The following CCDC13 variants were observed in gnomAD, a reference collection of about 807,000 sequenced individuals.
CCDC13 encodes the protein coiled-coil domain containing 13, also known as coiled-coil domain-containing protein 13.
In CCDC13, 70 loss-of-function variants were observed where a neutral mutation model predicts 87.3. The ratio of observed to expected loss-of-function variants is 0.80; its 90% CI spans 0.66 to 0.98. The LOEUF is 0.98. CCDC13 is among the 50% of genes least tolerant of loss of function. CCDC13 has a pLI of 0.00. For missense variants in CCDC13, 842 were observed against 892.0 expected (o/e 0.94, Z 0.71); for synonymous variants, 317 against 360.3 (o/e 0.88, Z 1.36).
downstream of CCDC13, among the ~76,000 whole-genome samples, chr3:42,705,603 C>G (rs1419428772): frequency 6.6e-6 from 1 of 152,198 alleles, no homozygotes; most frequent in Admixed American, 6.5e-5. Context: ...GGCACCTGCA[C>G]CCTCCCCTCC....
intron 3 of CCDC13, among the ~76,000 whole-genome samples, chr3:42,754,439 G>C (rs1699660596): frequency 6.6e-6 from 1 of 152,196 alleles, no homozygotes; most frequent in Admixed American, 6.5e-5. Context: ...AATAGGTTGT[G>C]TGTCAGGAGG....
At chr3:42,738,548 G>A (rs1236044388) in intron 9 of CCDC13, among the ~76,000 whole-genome samples, 2 of 152,182 alleles carry the variant, frequency 1.3e-5, no homozygotes, top group African/African-American at 4.8e-5. Context: ...CATGAGCATG[G>A]AATATTCTTC....
intron 14 of CCDC13, among the ~76,000 whole-genome samples, chr3:42,711,473 A>G (rs1698313381): frequency 6.6e-6 from 1 of 152,030 alleles, no homozygotes; most frequent in Admixed American, 6.5e-5. Context: ...ATAATAGTTT[A>G]TGCCTCTAGA....
chr3:42,729,921 C>A (rs1017778022), intron 13 of CCDC13, among the ~76,000 whole-genome samples: 2 of 152,166 alleles, frequency 1.3e-5, no homozygotes, highest in African/African-American at 4.8e-5. Context: ...CAATTCTTGC[C>A]AAAAGGATCA....
chr3:42,709,803 G>A lies in CCDC13; in HGVS notation c.1874-5C>T, dbSNP rs771166496. ...TGTTGTTAGAGGTGGGCAGACCTGT[G>A]GGGCAGCAGCAACCACTTTCTGTGA... is the stretch of plus-strand genomic sequence containing the variant. On this transcript the variant is annotated splice_region_variant and splice_polypyrimidine_tract_variant and intron_variant, in intron 14 of 15. Transcript: ENST00000310232. 1.1e-4 allele frequency: 176 copies of A among 1,611,804 alleles called. No individual in the cohort carries two copies. The highest frequency in any genetic ancestry group is 4.2e-6 in the Non-Finnish European group (5 of 1,178,028).
chr3:42,757,028 C>T, intron 3 of CCDC13, 38 bp downstream of exon 3: 1 of 1,599,118 alleles, frequency 6.3e-7, no homozygotes. Flanking sequence ...AGTCCCTGGA[C>T]TGCAGGGCAA....
At chr3:42,751,705 C>G (rs1192299140) in intron 5 of CCDC13, among the ~76,000 whole-genome samples, 2 of 152,284 alleles carry the variant, frequency 1.3e-5, no homozygotes, top group African/African-American at 4.8e-5. Flanking sequence ...TGGAGCTACA[C>G]CCTCCATAGC....
At chr3:42,769,160 G>A (rs887875196) in intron 1 of CCDC13, among the ~76,000 whole-genome samples, 1 of 152,050 alleles carries the variant, frequency 6.6e-6, no homozygotes, top group Non-Finnish European at 1.5e-5. Flanking sequence ...AAAAAGAAAA[G>A]TGGGCAAAAG....
At chr3:42,747,191 C>T (rs1342204730) in intron 6 of CCDC13, 66 bp downstream of exon 6, 2 of 1,191,188 alleles carry the variant, frequency 1.7e-6, no homozygotes, top group Non-Finnish European at 2.5e-6. Flanking sequence ...TCCACTGTGC[C>T]AGCCGTGCTC....
intron 1 of CCDC13, among the ~76,000 whole-genome samples, chr3:42,767,791 G>C (rs973355606): frequency 2.0e-5 from 3 of 151,954 alleles, no homozygotes; most frequent in Non-Finnish European, 4.4e-5. Context: ...CCTGGCAAAT[G>C]TGGTAAAACC....
In CCDC13 at chr3:42,709,686, G is replaced by C; in HGVS notation, c.1986C>G (p.Thr662=). The stretch of plus-strand genomic sequence containing the variant: ...AGGAAGGCGGGGCAGGGGAGCACCT[G>C]GTTGTCAGCTCTTCCATTTGGGATT... The part of the protein sequence containing the change: ...PVESQMEELT[T]RLAIQVEENE... The change falls in exon 15 of 16, where the codon ACC becomes ACG. Residue 662 remains threonine, a splice_region_variant and synonymous_variant. Transcript: ENST00000310232. 1.2e-6 allele frequency: 2 copies of C among 1,613,366 alleles called. No homozygotes were observed. Among genetic ancestry groups the C allele is most frequent in the Non-Finnish European group, 1.7e-6 (2 of 1,179,314 alleles).
intron 3 of CCDC13, 80 bp downstream of exon 3, chr3:42,756,986 G>T: frequency 2.2e-6 from 3 of 1,388,504 alleles, no homozygotes; most frequent in Non-Finnish European, 2.0e-6. Context: ...TTGGGAATCT[G>T]CTCTCTGGAA....
Position 42,752,695 on chromosome 3 carries a change from G to A in CCDC13, c.393C>T (p.Asp131=), listed in dbSNP as rs145343897. ...AFTGTAGVAG[D]VVATKIVELS... ...GCTCCACAATTTTGGTGGCGACCAC[G>A]TCTCCGGCTACACCGGCTGTCCCTA... Residue 131 remains aspartate, a synonymous_variant, in exon 4 of 16, where the codon GAC becomes GAT. Transcript: ENST00000310232. 146 of 1,614,040 alleles carry A rather than the reference G, an allele frequency of 9.0e-5. No homozygotes were observed. The African/African-American group carries it at 1.2e-3, about 13-fold the overall frequency.
Sources: gnomAD v4.1 joint callset for allele counts (sites outside exome capture counted in the v4.1 genomes callset) on GRCh38, gnomAD v4.1.1 for gene constraint, MANE v1.5 for transcripts, NCBI Gene and HGNC (gene_info 2026-07-23, HGNC 2026-07-21) for gene names.